MLLT10: variants seen among roughly 807,000 people sequenced by gnomAD.
MLLT10 encodes MLLT10 histone lysine methyltransferase DOT1L cofactor.
A neutral mutation model predicts 129.1 loss-of-function variants in MLLT10; 30 were observed. The ratio of observed to expected loss-of-function variants is 0.23; its 90% CI spans 0.17 to 0.32. MLLT10 has a LOEUF of 0.32. MLLT10 is among the 10% of genes least tolerant of loss of function. The pLI, the probability that MLLT10 is intolerant of heterozygous loss-of-function variation, is 1.00. For missense variants in MLLT10, 1,119 were observed against 1,268.3 expected (o/e 0.88, Z 1.79); for synonymous variants, 490 against 446.4 (o/e 1.10, Z -1.23).
chr10:21,635,851 C>T (rs1322196103), intron 8 of MLLT10, among the ~76,000 whole-genome samples: 3 of 151,028 alleles, frequency 2.0e-5, no homozygotes, highest in African/African-American at 7.3e-5. Context: ...CTCAGCCTCC[C>T]GAGTAGCTGG....
At chr10:21,571,205 C>CT (rs1279067432) in intron 3 of MLLT10, among the ~76,000 whole-genome samples, 7 of 152,216 alleles carry the variant, frequency 4.6e-5, no homozygotes, top group Admixed American at 1.3e-4. Context: ...GCTATTACCT[C>CT]TAATTCTTTT....
At chr10:21,539,593 G>A (rs2034726155) in intron 3 of MLLT10, among the ~76,000 whole-genome samples, 1 of 151,744 alleles carries the variant, frequency 6.6e-6, no homozygotes, top group Non-Finnish European at 1.5e-5. Flanking sequence ...CCAACATGGT[G>A]AAACCCCGTC....
intron 14 of MLLT10, among the ~76,000 whole-genome samples, chr10:21,715,335 G>A (rs1244234384): frequency 1.3e-5 from 2 of 152,208 alleles, no homozygotes; most frequent in Non-Finnish European, 2.9e-5. Context: ...GAAGATGAAA[G>A]TGAACTATTT....
At chr10:21,564,824 CAA>C (rs372061828) in intron 3 of MLLT10, among the ~76,000 whole-genome samples, 31 of 73,958 alleles carry the variant, frequency 4.2e-4, no homozygotes, top group Admixed American at 4.7e-4. Context: ...AACTCCATCT[CAA>C]AAAAAAAAAA....
Position 21,742,186 on chromosome 10 carries a change from C to A in MLLT10, c.*203C>A. 2.2e-6 allele frequency: 1 copy of A among 462,806 alleles called. No individual in the cohort carries two copies. The highest frequency in any genetic ancestry group is 3.8e-6 in the Non-Finnish European group (1 of 264,806). 28.7% of individuals were successfully genotyped at this position (462,806 alleles called of 1,614,324 possible). ...TTGCACTGAAATGGAATTCCCATGC[C>A]CCTACCCCTTACCCCAGTTTTTTGA... On this transcript the variant is annotated 3_prime_UTR_variant, in exon 23 of 23. Transcript: ENST00000307729.
intron 9 of MLLT10, among the ~76,000 whole-genome samples, chr10:21,666,776 T>G (rs1018896501): frequency 6.6e-6 from 1 of 152,324 alleles, no homozygotes; most frequent in African/African-American, 2.4e-5. Flanking sequence ...TTCAGTTATC[T>G]TCAGTCAACT....
intron 13 of MLLT10, among the ~76,000 whole-genome samples, chr10:21,699,842 T>A (rs2054734635): frequency 6.6e-6 from 1 of 152,224 alleles, no homozygotes; most frequent in African/African-American, 2.4e-5. Flanking sequence ...TTGCTCAGGA[T>A]TACTTCAGCT....
chr10:21,537,414 C>T (rs1412096660), intron 2 of MLLT10, among the ~76,000 whole-genome samples: 3 of 152,160 alleles, frequency 2.0e-5, no homozygotes, highest in African/African-American at 7.2e-5. Context: ...TCTCCTGCCT[C>T]AGCCTCCTGA....
At chr10:21,549,332 G>C (rs1380075464) in intron 3 of MLLT10, among the ~76,000 whole-genome samples, 2 of 151,866 alleles carry the variant, frequency 1.3e-5, no homozygotes, top group African/African-American at 4.8e-5. Context: ...ACTGTGTTTC[G>C]ATCTCCTGAC....
chr10:21,538,796 G>A (rs536845497), intron 2 of MLLT10, 37 bp from the exon 3 acceptor site: 5 of 1,497,162 alleles, frequency 3.3e-6, no homozygotes, highest in Non-Finnish European at 3.7e-6. Context: ...ATAGTTCTTC[G>A]AATCTTAACA....
chr10:21,663,809 G>A (rs1378173123), intron 9 of MLLT10, among the ~76,000 whole-genome samples: 2 of 151,874 alleles, frequency 1.3e-5, no homozygotes, highest in East Asian at 1.9e-4. Flanking sequence ...CTTGTGATCC[G>A]CCTGCCTCCA....
At chr10:21,658,696 G>T (rs889020717) in intron 9 of MLLT10, among the ~76,000 whole-genome samples, 1 of 152,218 alleles carries the variant, frequency 6.6e-6, no homozygotes, top group East Asian at 1.9e-4. Context: ...ACGGAGTCTC[G>T]CTCTGTCGCC....
chr10:21,682,172 T>C (rs377407220), intron 12 of MLLT10, 53 bp from the exon 13 acceptor site: 5 of 1,498,492 alleles, frequency 3.3e-6, no homozygotes, highest in African/African-American at 1.4e-5. Context: ...TGTATTTCTT[T>C]TGTGTGTTTG....
At position 21,678,254 on chromosome 10, in the gene MLLT10, G is replaced by A. The variant is rs578225600; in HGVS notation, c.1622-3078G>A. Among the ~76,000 whole-genome samples, 242 of 152,090 alleles carry A rather than the reference G, an allele frequency of 1.6e-3. 1 individual carries two copies. Among genetic ancestry groups the A allele is most frequent in the African/African-American group, 5.5e-3 (227 of 41,492 alleles). On this transcript the variant is annotated intron_variant, in intron 11 of 22. Transcript: ENST00000307729. ...CTAGTAGCTGGGACTACAGGTGCGCGCCACCACACTCAGCTAATTTTTGTA... is the reference window on the plus strand; with the variant it reads ...CTAGTAGCTGGGACTACAGGTGCGCACCACCACACTCAGCTAATTTTTGTA...
At chr10:21,583,932 C>G (rs1412779975) in intron 3 of MLLT10, among the ~76,000 whole-genome samples, 1 of 150,616 alleles carries the variant, frequency 6.6e-6, no homozygotes, top group Admixed American at 6.6e-5. Flanking sequence ...TGCAGTGACG[C>G]GATCTCGGCT....
chr10:21,681,967 T>C (rs1243536049), intron 12 of MLLT10, among the ~76,000 whole-genome samples: 1 of 152,238 alleles, frequency 6.6e-6, no homozygotes, highest in Non-Finnish European at 1.5e-5. Flanking sequence ...TATTTATTAC[T>C]AAGGAAATTA....
At chr10:21,665,026 A>G (rs1051243211) in intron 9 of MLLT10, among the ~76,000 whole-genome samples, 31 of 146,658 alleles carry the variant, frequency 2.1e-4, no homozygotes, top group African/African-American at 7.6e-4. Flanking sequence ...GCTCACTGCA[A>G]CCTCTGCCTC....
chr10:21,735,190 TC>T lies in MLLT10; in HGVS notation c.2911del (p.Gln971AsnfsTer8). 1 of 1,614,040 alleles carries T rather than the reference TC, an allele frequency of 6.2e-7. No individual in the cohort carries two copies. Among genetic ancestry groups the T allele is most frequent in the Non-Finnish European group, 8.5e-7 (1 of 1,180,008 alleles). ...SDQQRQILIH[Q>X]QQFQQLLNSQ... is the part of the protein sequence containing the mutation. ...ACCAGCAACGACAAATACTTATTCA[TC>T]AACAGCAGTTTCAGCAGTTGTTAAA... On this transcript the variant is annotated frameshift_variant, in exon 21 of 23. Coordinates refer to ENST00000307729, the MANE Select transcript of MLLT10 (RefSeq NM_001195626.3). LOFTEE classifies it high-confidence loss of function.
At chr10:21,728,993 T>G (rs1235415751) in intron 16 of MLLT10, among the ~76,000 whole-genome samples, 1 of 152,080 alleles carries the variant, frequency 6.6e-6, no homozygotes, top group Non-Finnish European at 1.5e-5. Context: ...ATTAGTTCAG[T>G]AACCACTAAT....
Sources: allele counts gnomAD v4.1 joint callset (sites outside exome capture counted in the v4.1 genomes callset), GRCh38; gene constraint gnomAD v4.1.1; transcripts MANE v1.5; gene names NCBI Gene and HGNC (gene_info 2026-07-23, HGNC 2026-07-21).